The following CHIC1 variants were observed in gnomAD, a reference collection of about 807,000 sequenced individuals.
CHIC1 encodes cysteine rich hydrophobic domain 1.
In CHIC1, 7 loss-of-function variants were observed where a neutral mutation model predicts 18.5. That is an observed-to-expected ratio of 0.38 (90% confidence interval 0.22 to 0.71). The LOEUF is 0.71. CHIC1 is among the 30% of genes least tolerant of loss of function. The probability of loss-of-function intolerance (pLI) is 0.49; values close to 1 mark genes in which losing one functional copy is unlikely to be tolerated. For missense variants in CHIC1, 159 were observed against 176.9 expected, an observed-to-expected ratio of 0.90 and a Z score of 0.57; for synonymous variants, 77 against 73.5, an observed-to-expected ratio of 1.05 and a Z score of -0.25.
chrX:73,613,776 G>C (rs1191746598), intron 3 of CHIC1, among the ~76,000 whole-genome samples: 1 of 110,659 alleles, frequency 9.0e-6, no homozygotes, highest in Non-Finnish European at 1.9e-5. Context: ...TTGGATTTCT[G>C]GTTGTTTTAT....
intron 1 of CHIC1, among the ~76,000 whole-genome samples, chrX:73,563,846 G>A (rs910378888): frequency 9.0e-6 from 1 of 111,150 alleles, no homozygotes; most frequent in African/African-American, 3.3e-5. Flanking sequence ...AGCGATTGGA[G>A]TAGGGGTGAG....
At chrX:73,677,485 G>A (rs901551417) in intron 3 of CHIC1, among the ~76,000 whole-genome samples, 1 of 111,545 alleles carries the variant, frequency 9.0e-6, no homozygotes, top group African/African-American at 3.3e-5. Flanking sequence ...GTTTGATCTC[G>A]GACTGCTGTG....
intron 3 of CHIC1, among the ~76,000 whole-genome samples, chrX:73,636,886 AT>A (rs1333467114): frequency 9.0e-6 from 1 of 110,993 alleles, no homozygotes; most frequent in Non-Finnish European, 1.9e-5. Context: ...GCTCACAATT[AT>A]TTTATGTGTT....
rs774816325 is a variant in CHIC1 at position 73,681,978 on chromosome X, A to C, written c.*973A>C. 1 of 111,620 alleles carries C rather than the reference A, an allele frequency of 9.0e-6. No homozygotes were observed. Among genetic ancestry groups the C allele is most frequent in the African/African-American group, 3.2e-5 (1 of 30,875 alleles). The allele number at this position is 111,620 out of a possible 1,213,427, so 9.2% of individuals were successfully genotyped here. ...GCCTTTTCTTCCTTTGAAAATACAC[A>C]CAATTATGACTTTTAAGGAGTATTT... On this transcript the variant is annotated 3_prime_UTR_variant, in exon 6 of 6. Transcript: ENST00000373502.
At chrX:73,622,032 C>T (rs759654071) in intron 3 of CHIC1, among the ~76,000 whole-genome samples, 1 of 111,822 alleles carries the variant, frequency 8.9e-6, no homozygotes, top group Admixed American at 9.5e-5. Context: ...AGCCTTGCAC[C>T]CCAGGGATGA....
intron 3 of CHIC1, among the ~76,000 whole-genome samples, chrX:73,598,329 C>CT (rs111340285): frequency 0.43 from 42,573 of 99,386 alleles, 7,634 homozygotes; most frequent in East Asian, 0.94. Flanking sequence ...TTGCATTTCT[C>CT]TTTTTTTTTT....
At chrX:73,588,279 C>T (rs1468886819) in intron 3 of CHIC1, among the ~76,000 whole-genome samples, 1 of 110,837 alleles carries the variant, frequency 9.0e-6, no homozygotes, top group Non-Finnish European at 1.9e-5. Flanking sequence ...CCCAATTTCC[C>T]TCCAATCCTC....
chrX:73,599,838 A>C (rs1227960507), intron 3 of CHIC1, among the ~76,000 whole-genome samples: 1 of 104,829 alleles, frequency 9.5e-6, no homozygotes. Context: ...TTCCATATGA[A>C]CTTTAAAGTA....
At chrX:73,611,057 A>C (rs903122425) in intron 3 of CHIC1, among the ~76,000 whole-genome samples, 2 of 106,549 alleles carry the variant, frequency 1.9e-5, no homozygotes, top group African/African-American at 7.4e-5. Context: ...TTTAGGGTAC[A>C]TGTGCACAAC....
At chrX:73,578,411 T>C (rs2057510703) in intron 2 of CHIC1, among the ~76,000 whole-genome samples, 1 of 110,558 alleles carries the variant, frequency 9.0e-6, no homozygotes, top group Admixed American at 9.6e-5. Context: ...TGGTTAATAG[T>C]TGAATGCTTG....
At chrX:73,670,129 C>T (rs2058023069) in intron 3 of CHIC1, among the ~76,000 whole-genome samples, 1 of 111,537 alleles carries the variant, frequency 9.0e-6, no homozygotes, top group African/African-American at 3.3e-5. Context: ...CAGGGTCACA[C>T]AGTCACTCAC....
Position 73,639,474 on chromosome X carries a change from C to T in CHIC1, c.508-39852C>T, listed in dbSNP as rs189435036. ...TTTTCCCCATTTTGTACATTGTTTTCTCTGTTGATAGTTTCTTTGGCTATG... is the reference window on the plus strand; with the variant it reads ...TTTTCCCCATTTTGTACATTGTTTTTTCTGTTGATAGTTTCTTTGGCTATG... On this transcript the variant is annotated intron_variant, in intron 3 of 5. Transcript: ENST00000373502. 7.6e-3 allele frequency among the ~76,000 whole-genome samples: 852 copies of T among 111,633 alleles called. 6 individuals are homozygous for T. Among genetic ancestry groups the T allele is most frequent in the Middle Eastern group, 0.023 (5 of 216 alleles).
At chrX:73,589,314 G>A (rs1005842970) in intron 3 of CHIC1, among the ~76,000 whole-genome samples, 4 of 110,540 alleles carry the variant, frequency 3.6e-5, no homozygotes, top group African/African-American at 9.8e-5. Context: ...TTTCCATGTC[G>A]TATGTTTTTT....
intron 3 of CHIC1, among the ~76,000 whole-genome samples, chrX:73,622,936 C>T (rs779245542): frequency 2.7e-5 from 3 of 111,823 alleles, no homozygotes; most frequent in Admixed American, 9.5e-5. Flanking sequence ...ACATTAATTT[C>T]GTTATTTACC....
intron 3 of CHIC1, among the ~76,000 whole-genome samples, chrX:73,649,793 T>A (rs938295710): frequency 9.0e-6 from 1 of 111,250 alleles, no homozygotes; most frequent in African/African-American, 3.3e-5. Flanking sequence ...AGACAGAAAA[T>A]TAACAAGGAT....
rs990210072 is a variant in CHIC1 at position 73,657,150 on chromosome X, T to C, written c.508-22176T>C. 1.4e-4 allele frequency among the ~76,000 whole-genome samples: 15 copies of C among 107,991 alleles called. No homozygotes were observed. In the East Asian group the frequency reaches 4.3e-3, roughly 31 times the overall value. 93.8% of individuals were successfully genotyped at this position (107,991 alleles called of 115,157 possible). ...TCTCGGCTCACTGCAAGCTCCACCT[T>C]CCGGGTTCACGCCATTCTCCCACCT... On this transcript the variant is annotated intron_variant, in intron 3 of 5. Coordinates refer to ENST00000373502, the MANE Select transcript of CHIC1 (RefSeq NM_001039840.4).
At chrX:73,592,269 C>T (rs1372324995) in intron 3 of CHIC1, among the ~76,000 whole-genome samples, 1 of 110,987 alleles carries the variant, frequency 9.0e-6, no homozygotes, top group African/African-American at 3.3e-5. Context: ...GTATCCTTTT[C>T]TTGTTCCAGT....
At chrX:73,640,435 T>A (rs2057850039) in intron 3 of CHIC1, among the ~76,000 whole-genome samples, 1 of 111,840 alleles carries the variant, frequency 8.9e-6, no homozygotes, top group Non-Finnish European at 1.9e-5. Context: ...AGTTTGCTAG[T>A]ATTTTGTTGA....
Position 73,668,820 on chromosome X carries a change from G to A in CHIC1, c.508-10506G>A, listed in dbSNP as rs371975031. 2.7e-5 allele frequency among the ~76,000 whole-genome samples: 3 copies of A among 112,528 alleles called. No individual in the cohort carries two copies. In the East Asian group the frequency reaches 8.5e-4, roughly 32 times the overall value. On this transcript the variant is annotated intron_variant, in intron 3 of 5. Coordinates refer to ENST00000373502, the MANE Select transcript of CHIC1 (RefSeq NM_001039840.4). ...TTTGGTGGTCTCTCCCAGTCAGGAG[G>A]AACAAGATCAGGCACCAACTTAAGC... is the stretch of plus-strand genomic sequence containing the variant.
Sources: allele counts gnomAD v4.1 joint callset (sites outside exome capture counted in the v4.1 genomes callset), GRCh38; gene constraint gnomAD v4.1.1; transcripts MANE v1.5; gene names NCBI Gene and HGNC (gene_info 2026-07-23, HGNC 2026-07-21).